MYORG: variants seen among roughly 807,000 people sequenced by gnomAD.
MYORG encodes the protein myogenesis regulating glycosidase, also known as alpha-galactosidase MYORG.
In MYORG, 45 loss-of-function variants were observed where a neutral mutation model predicts 49.8. The ratio of observed to expected loss-of-function variants is 0.90; its 90% confidence interval spans 0.71 to 1.16. The LOEUF is 1.16. MYORG is among the 50% of genes most tolerant of loss of function. The probability of loss-of-function intolerance (pLI) is 0.00; values close to 1 mark genes in which losing one functional copy is unlikely to be tolerated. For synonymous variants in MYORG, 552 were observed against 462.9 expected, an observed-to-expected ratio of 1.19 and a Z score of -2.47; for missense variants, 1,110 against 1,026.5, an observed-to-expected ratio of 1.08 and a Z score of -1.11.
rs74668994 is a variant in MYORG, at chr9:34,375,438, A to G, written c.-64+1355T>C. Among the ~76,000 whole-genome samples the G allele has an allele frequency of 1.5e-3, 236 of 152,322 alleles. 3 individuals carry two copies. The East Asian group carries it at 0.022, about 14-fold the overall frequency. On this transcript the variant is annotated intron_variant, in intron 1 of 1. Transcript: ENST00000297625. ...TGACTTAGCTTTCCTCCCCATTCCT[A>G]TATAGATACAGCTTAGAAAACACCT...
chr9:34,372,520 G>A lies in MYORG; in HGVS notation c.424C>T (p.Pro142Ser). 1 of 1,600,602 alleles carries A rather than the reference G, an allele frequency of 6.2e-7. No homozygotes were observed. Residue 142 changes from proline (P) to serine (S), a missense_variant, in exon 2 of 2, where the codon CCG (proline) becomes TCG (serine). Transcript: ENST00000297625. ...LGCSLTADGL[P>S]LHFFIQTVRP... ...ACAGTCTGGATGAAGAAGTGCAGCGGCAGCCCGTCGGCCGTGAGCGAGCAG... is the reference window on the plus strand; with the variant it reads ...ACAGTCTGGATGAAGAAGTGCAGCGACAGCCCGTCGGCCGTGAGCGAGCAG...
chr9:34,373,457 A>G (rs932134651), intron 1 of MYORG, among the ~76,000 whole-genome samples: 1 of 151,778 alleles, frequency 6.6e-6, no homozygotes, highest in Non-Finnish European at 1.5e-5. Context: ...CAGCTCCTTG[A>G]GACTTTTTTT....
chr9:34,373,025 G>C lies in MYORG; in HGVS notation c.-63-19C>G. On this transcript the variant is annotated intron_variant, in intron 1 of 1. Transcript: ENST00000297625. Reference sequence around the variant, plus strand: ...ACCTGCTCTGAAAGGAGGAGACAGAGATGGAACTGAGCTATCTCATCCCAT... The same window carrying C: ...ACCTGCTCTGAAAGGAGGAGACAGACATGGAACTGAGCTATCTCATCCCAT... 6.8e-7 allele frequency: 1 copy of C among 1,479,534 alleles called. No homozygotes were observed. Among genetic ancestry groups the C allele is most frequent in the South Asian group, 1.3e-5 (1 of 79,400 alleles). 91.7% of individuals were successfully genotyped at this position (1,479,534 alleles called of 1,614,324 possible). A position where few individuals can be genotyped will look rare whatever the true frequency, so the allele number is the denominator to read the frequency against.
Position 34,369,295 on chromosome 9 carries a change from CCT to C in MYORG, c.*1502_*1503del, listed in dbSNP as rs759777534. The C allele has an allele frequency of 6.6e-6, 1 of 152,070 alleles. No individual in the cohort carries two copies. The highest frequency in any genetic ancestry group is 2.4e-5 in the African/African-American group (1 of 41,384). 9.4% of individuals were successfully genotyped at this position (152,070 alleles called of 1,614,324 possible). ...GCTGTTGATGGAAGCTAAAGTTCACCCTGTTTCCCACCGACCCGCTCTGGCAT... is the reference window on the plus strand; with the variant it reads ...GCTGTTGATGGAAGCTAAAGTTCACCGTTTCCCACCGACCCGCTCTGGCAT... On this transcript the variant is annotated 3_prime_UTR_variant, in exon 2 of 2. Coordinates refer to ENST00000297625, the MANE Select transcript of MYORG (RefSeq NM_020702.5).
chr9:34,371,037 G>GT lies in MYORG; in HGVS notation c.1906_1907insA (p.Pro636HisfsTer53). On this transcript the variant is annotated frameshift_variant, in exon 2 of 2. Coordinates refer to ENST00000297625, the MANE Select transcript of MYORG (RefSeq NM_020702.5). LOFTEE classifies it high-confidence loss of function. ...GTCGCCGGGCGCAATCCACCAAAGG[G>GT]GGCGCACGATAGGGTCACCCGTGTC... is the stretch of plus-strand genomic sequence containing the variant. The GT allele has an allele frequency of 6.2e-7, 1 of 1,613,008 alleles. No homozygotes were observed. Among genetic ancestry groups the GT allele is most frequent in the Non-Finnish European group, 8.5e-7 (1 of 1,179,848 alleles).
Position 34,372,634 on chromosome 9 carries a change from T to A in MYORG, c.310A>T (p.Asn104Tyr). Residue 104 changes from asparagine (N) to tyrosine (Y), a missense_variant, in exon 2 of 2, where the codon AAT (asparagine) becomes TAT (tyrosine). Asn to Tyr is a moderately radical substitution (Grantham distance 143). Transcript: ENST00000297625. ...DLKAGGFSIR[N>Y]QKGEQVFRLA... Reference sequence around the variant, plus strand: ...CGGAAGACCTGCTCTCCCTTCTGATTGCGGATGGAGAAGCCGCCAGCTTTC... The same window carrying A: ...CGGAAGACCTGCTCTCCCTTCTGATAGCGGATGGAGAAGCCGCCAGCTTTC... 1.9e-6 allele frequency: 3 copies of A among 1,606,862 alleles called. No homozygotes were observed. Among genetic ancestry groups the A allele is most frequent in the Non-Finnish European group, 2.5e-6 (3 of 1,176,932 alleles).
chr9:34,370,061 G>C lies in MYORG; in HGVS notation c.*738C>G, dbSNP rs1820564351. The C allele has an allele frequency of 6.5e-6, 1 of 153,014 alleles. No individual in the cohort carries two copies. The highest frequency in any genetic ancestry group is 2.4e-5 in the African/African-American group (1 of 41,554). The allele number at this position is 153,014 out of a possible 1,614,324, so 9.5% of individuals were successfully genotyped here. A position where few individuals can be genotyped will look rare whatever the true frequency, so the allele number is the denominator to read the frequency against. On this transcript the variant is annotated 3_prime_UTR_variant, in exon 2 of 2. Transcript: ENST00000297625. Reference sequence around the variant, plus strand: ...GCACACTCTTCAGTTAAGGCACGAAGTCTGGCCTGCATGGCCCTGCAAGTC... The same window carrying C: ...GCACACTCTTCAGTTAAGGCACGAACTCTGGCCTGCATGGCCCTGCAAGTC...
At position 34,370,999 on chromosome 9, in the gene MYORG, G is replaced by T; in HGVS notation, c.1945C>A (p.Arg649Ser). 1 of 1,613,422 alleles carries T rather than the reference G, an allele frequency of 6.2e-7. No individual in the cohort carries two copies. The highest frequency in any genetic ancestry group is 8.5e-7 in the Non-Finnish European group (1 of 1,179,886). ...CCAATAAGGAACTGCGAGTCGATAC[G>T]GTGAGCTGTCTCGTCGCCGGGCGCA... ...WIAPGDETAH[R>S]IDSQFLIGDT... Residue 649 changes from arginine to serine, a missense_variant, in exon 2 of 2, where the codon CGT becomes AGT. Arg to Ser is a moderately radical substitution (Grantham distance 110, BLOSUM62 -1). Transcript: ENST00000297625.
intron 1 of MYORG, among the ~76,000 whole-genome samples, chr9:34,373,733 G>A (rs982804140): frequency 6.6e-6 from 1 of 152,236 alleles, no homozygotes; most frequent in Non-Finnish European, 1.5e-5. Context: ...CATTACAGGC[G>A]TGAGCCACCT....
Position 34,372,903 on chromosome 9 carries a change from C to CG in MYORG, c.40dup (p.Arg14ProfsTer110), listed in dbSNP as rs761312002. The stretch of plus-strand genomic sequence containing the variant: ...TGCGTAGCAGCCAGGCCGGCGGCGG[C>CG]GGGGGTAGGCCTGGCTCTTCTCCTG... On this transcript the variant is annotated frameshift_variant, in exon 2 of 2. Transcript: ENST00000297625. LOFTEE classifies it high-confidence loss of function. The CG allele has an allele frequency of 1.6e-4, 257 of 1,613,770 alleles. 1 individual carries two copies. The East Asian group carries it at 5.1e-3, about 32-fold the overall frequency.
In MYORG at chr9:34,371,827, C is replaced by T; in HGVS notation, c.1117G>A (p.Ala373Thr). Residue 373 changes from alanine (A) to threonine (T), a missense_variant, in exon 2 of 2, where the codon GCC becomes ACC. By Grantham distance (58) the Ala-to-Thr change is moderately conservative. Coordinates refer to ENST00000297625, the MANE Select transcript of MYORG (RefSeq NM_020702.5). ...FDFDEVKFPN[A>T]SDMFRRLRDA... is the part of the protein sequence containing the mutation. Reference sequence around the variant, plus strand: ...CGCAGGCGGCGGAACATGTCGCTGGCGTTGGGGAATTTGACCTCATCGAAG... The same window carrying T: ...CGCAGGCGGCGGAACATGTCGCTGGTGTTGGGGAATTTGACCTCATCGAAG... The T allele has an allele frequency of 6.2e-7, 1 of 1,614,052 alleles. No individual in the cohort carries two copies. Among genetic ancestry groups the T allele is most frequent in the South Asian group, 1.1e-5 (1 of 91,086 alleles).
At position 34,372,361 on chromosome 9, in the gene MYORG, G is replaced by A. The variant is rs777555421; in HGVS notation, c.583C>T (p.His195Tyr). Residue 195 changes from histidine to tyrosine, a missense_variant, in exon 2 of 2, where the codon CAC becomes TAC. His to Tyr is a moderately conservative substitution (Grantham distance 83). Coordinates refer to ENST00000297625, the MANE Select transcript of MYORG (RefSeq NM_020702.5). ...WYGGAEMRTQ[H>Y]WPIRLDGQQE... Reference sequence around the variant, plus strand: ...TGGCCATCCAGGCGGATGGGCCAGTGTTGCGTCCTCATCTCGGCGCCACCA... The same window carrying A: ...TGGCCATCCAGGCGGATGGGCCAGTATTGCGTCCTCATCTCGGCGCCACCA... 13 of 1,596,030 alleles carry A rather than the reference G, an allele frequency of 8.1e-6. No homozygotes were observed. Among genetic ancestry groups the A allele is most frequent in the Non-Finnish European group, 1.1e-5 (13 of 1,172,728 alleles).
At position 34,372,597 on chromosome 9, in the gene MYORG, C is replaced by CG. The variant is rs1483294048; in HGVS notation, c.346dup (p.Arg116ProfsTer8). ...GGAGTCAAGGTCCAGCGCGCCGGAGCGGAAGGCCAGGCGGAAGACCTGCTC... is the reference window on the plus strand; with the variant it reads ...GGAGTCAAGGTCCAGCGCGCCGGAGCGGGAAGGCCAGGCGGAAGACCTGCTC... On this transcript the variant is annotated frameshift_variant, in exon 2 of 2. Transcript: ENST00000297625. LOFTEE classifies it high-confidence loss of function. 4.4e-6 allele frequency: 7 copies of CG among 1,603,748 alleles called. No homozygotes were observed. The highest frequency in any genetic ancestry group is 6.0e-6 in the Non-Finnish European group (7 of 1,175,728).
At position 34,366,984 on chromosome 9, in the gene MYORG, C is replaced by T. The variant is rs770549940; in HGVS notation, c.*3815G>A. 3.3e-5 allele frequency: 5 copies of T among 152,496 alleles called. No individual in the cohort carries two copies. Among genetic ancestry groups the T allele is most frequent in the African/African-American group, 7.2e-5 (3 of 41,426 alleles). The allele number at this position is 152,496 out of a possible 1,614,324, so 9.4% of individuals were successfully genotyped here. A position where few individuals can be genotyped will look rare whatever the true frequency, so the allele number is the denominator to read the frequency against. Reference sequence around the variant, plus strand: ...TTTTCACACTGCTGATAAAGACATACCCGAGACTGGGTAATTTATGAAGAA... The same window carrying T: ...TTTTCACACTGCTGATAAAGACATATCCGAGACTGGGTAATTTATGAAGAA... On this transcript the variant is annotated 3_prime_UTR_variant, in exon 2 of 2. Coordinates refer to ENST00000297625, the MANE Select transcript of MYORG (RefSeq NM_020702.5).
In MYORG at chr9:34,373,386, G is replaced by A. The variant is rs1342814667; in HGVS notation, c.-63-380C>T. On this transcript the variant is annotated intron_variant, in intron 1 of 1. Coordinates refer to ENST00000297625, the MANE Select transcript of MYORG (RefSeq NM_020702.5). ...GGCTGAAGAGACGGGAAAGGAACTA[G>A]AAAAGTCCTGCTCTCCTAGAGGTGT... Among the ~76,000 whole-genome samples the A allele has an allele frequency of 3.3e-5, 5 of 152,290 alleles. No individual in the cohort carries two copies. The South Asian group carries it at 1.0e-3, about 32-fold the overall frequency.
In MYORG at chr9:34,371,928, T is replaced by C; in HGVS notation, c.1016A>G (p.Gln339Arg). The part of the protein sequence containing the change: ...DQDKVLRFAQ[Q>R]IRLHHFNSSH... ...GCTGTTGAAGTGGTGCAGGCGGATC[T>C]GTTGGGCAAAACGCAGCACCTTGTC... The change falls in exon 2 of 2, where the codon CAG (glutamine) becomes CGG (arginine). Residue 339 changes from glutamine (Q) to arginine (R), a missense_variant. By Grantham distance (43) the Gln-to-Arg change is conservative (BLOSUM62 1). Transcript: ENST00000297625. The C allele has an allele frequency of 6.2e-7, 1 of 1,614,052 alleles. No individual in the cohort carries two copies. Among genetic ancestry groups the C allele is most frequent in the Non-Finnish European group, 8.5e-7 (1 of 1,179,878 alleles).
Position 34,371,686 on chromosome 9 carries a change from G to T in MYORG, c.1258C>A (p.Pro420Thr), listed in dbSNP as rs781031323. 2.5e-6 allele frequency: 4 copies of T among 1,609,764 alleles called. No individual in the cohort carries two copies. In the African/African-American group the frequency reaches 5.3e-5, roughly 22 times the overall value. Residue 420 changes from proline (P) to threonine (T), a missense_variant, in exon 2 of 2, where the codon CCT becomes ACT. By Grantham distance (38) the Pro-to-Thr change is conservative. Coordinates refer to ENST00000297625, the MANE Select transcript of MYORG (RefSeq NM_020702.5). ...LFVREPTGRL[P>T]ALVRWWNGIG... ...CCGTTCCACCAGCGCACCAGCGCAGGTAACCGGCCCGTGGGTTCGCGCACG... is the reference window on the plus strand; with the variant it reads ...CCGTTCCACCAGCGCACCAGCGCAGTTAACCGGCCCGTGGGTTCGCGCACG...
In MYORG at chr9:34,371,788, G is replaced by A. The variant is rs767441935; in HGVS notation, c.1156C>T (p.Arg386Cys). ...AAAGGGTGCACCCAGAGCGTGACGC[G>A]GAAGCCGGCGTCGCGCAGGCGGCGG... The part of the protein sequence containing the change: ...MFRRLRDAGF[R>C]VTLWVHPFVN... Residue 386 changes from arginine (R) to cysteine (C), a missense_variant, in exon 2 of 2, where the codon CGC (arginine) becomes TGC (cysteine). Transcript: ENST00000297625. 14 of 1,613,804 alleles carry A rather than the reference G, an allele frequency of 8.7e-6. No individual in the cohort carries two copies. The highest frequency in any genetic ancestry group is 1.3e-5 in the African/African-American group (1 of 74,952).
chr9:34,367,944 C>A lies in MYORG; in HGVS notation c.*2855G>T, dbSNP rs1820525431. ...CTCCATGAGGGCCTCACTCCTGTAG[C>A]AAACTTCTGCCTGGACATACATGCA... On this transcript the variant is annotated 3_prime_UTR_variant, in exon 2 of 2. Coordinates refer to ENST00000297625, the MANE Select transcript of MYORG (RefSeq NM_020702.5). 6.6e-6 allele frequency: 1 copy of A among 152,256 alleles called. No individual in the cohort carries two copies. Among genetic ancestry groups the A allele is most frequent in the African/African-American group, 2.4e-5 (1 of 41,462 alleles). The allele number at this position is 152,256 out of a possible 1,614,324, so 9.4% of individuals were successfully genotyped here. A position where few individuals can be genotyped will look rare whatever the true frequency, so the allele number is the denominator to read the frequency against.
Sources: gnomAD v4.1 joint callset for allele counts (sites outside exome capture counted in the v4.1 genomes callset) on GRCh38, gnomAD v4.1.1 for gene constraint, MANE v1.5 for transcripts, NCBI Gene and HGNC (gene_info 2026-07-23, HGNC 2026-07-21) for gene names.